AGPAT5: variants seen among roughly 807,000 people sequenced by gnomAD.
AGPAT5 encodes 1-acylglycerol-3-phosphate O-acyltransferase 5.
A neutral mutation model predicts 45.6 loss-of-function variants in AGPAT5; 46 were observed. The ratio of observed to expected loss-of-function variants is 1.01; its 90% CI spans 0.80 to 1.29. The LOEUF is 1.29. Among genes scored for constraint, AGPAT5 ranks in the 50% most tolerant of loss-of-function variants. AGPAT5 has a pLI of 0.00. For synonymous variants in AGPAT5, 272 were observed against 167.0 expected (o/e 1.63, Z -4.85); for missense variants, 673 against 450.7 (o/e 1.49, Z -4.47).
intron 5 of AGPAT5, among the ~76,000 whole-genome samples, chr8:6,742,332 T>C (rs1294113345): frequency 6.6e-6 from 1 of 152,266 alleles, no homozygotes; most frequent in Non-Finnish European, 1.5e-5. Context: ...AATGGTAATG[T>C]TCTTAATATC....
intron 6 of AGPAT5, among the ~76,000 whole-genome samples, chr8:6,749,183 A>T (rs1464925404): frequency 7.9e-5 from 12 of 152,210 alleles, no homozygotes; most frequent in Admixed American, 7.9e-4. Flanking sequence ...AAATAATGAT[A>T]AGATGAGGGT....
intron 1 of AGPAT5, among the ~76,000 whole-genome samples, chr8:6,724,464 T>G (rs1800615223): frequency 6.6e-6 from 1 of 152,208 alleles, no homozygotes; most frequent in Non-Finnish European, 1.5e-5. Flanking sequence ...ATTTAAAACC[T>G]TAAAAAGGTA....
chr8:6,733,939 T>G (rs1800952518), intron 4 of AGPAT5, among the ~76,000 whole-genome samples: 2 of 152,186 alleles, frequency 1.3e-5, no homozygotes, highest in Admixed American at 1.3e-4. Flanking sequence ...TAGCTGCCAG[T>G]GGCGCTAGGG....
chr8:6,756,265 G>A (rs189472681), intron 7 of AGPAT5, among the ~76,000 whole-genome samples: 4 of 152,228 alleles, frequency 2.6e-5, no homozygotes, highest in Non-Finnish European at 2.9e-5. Context: ...CAGCCCAGGT[G>A]CAGTGAGCAG....
chr8:6,736,382 G>A (rs1801054553), intron 4 of AGPAT5, among the ~76,000 whole-genome samples: 1 of 152,254 alleles, frequency 6.6e-6, no homozygotes, highest in East Asian at 1.9e-4. Context: ...ATTATATGAA[G>A]TGCTGTGTGG....
chr8:6,713,007 T>G (rs1800202655), intron 1 of AGPAT5, among the ~76,000 whole-genome samples: 1 of 152,230 alleles, frequency 6.6e-6, no homozygotes, highest in South Asian at 2.1e-4. Flanking sequence ...GTTTGGGTTT[T>G]TTTGAGTCAG....
chr8:6,724,112 G>A (rs1026011820), intron 1 of AGPAT5, among the ~76,000 whole-genome samples: 4 of 152,056 alleles, frequency 2.6e-5, no homozygotes, highest in Non-Finnish European at 4.4e-5. Flanking sequence ...CAGGTACATC[G>A]AACACCTGTG....
chr8:6,715,069 C>T (rs1053739642), intron 1 of AGPAT5, among the ~76,000 whole-genome samples: 6 of 152,112 alleles, frequency 3.9e-5, no homozygotes, highest in East Asian at 1.9e-4. Context: ...GCAATATTCC[C>T]GTGTGTACAT....
chr8:6,720,845 C>G (rs1223112700), intron 1 of AGPAT5, among the ~76,000 whole-genome samples: 1 of 152,158 alleles, frequency 6.6e-6, no homozygotes, highest in Admixed American at 6.6e-5. Context: ...ACTATGGAAA[C>G]AGCCATGTGT....
At chr8:6,741,987 C>A (rs973389367) in intron 5 of AGPAT5, among the ~76,000 whole-genome samples, 1 of 152,088 alleles carries the variant, frequency 6.6e-6, no homozygotes, top group South Asian at 2.1e-4. Context: ...GATACATATT[C>A]TTGTGCCATG....
At chr8:6,746,611 A>G (rs1475101613) in intron 5 of AGPAT5, among the ~76,000 whole-genome samples, 1 of 152,184 alleles carries the variant, frequency 6.6e-6, no homozygotes, top group Non-Finnish European at 1.5e-5. Context: ...AAGTTTGTGA[A>G]TCAATTTAAC....
At chr8:6,732,865 C>A (rs998537352) in intron 4 of AGPAT5, among the ~76,000 whole-genome samples, 1 of 152,186 alleles carries the variant, frequency 6.6e-6, no homozygotes, top group Non-Finnish European at 1.5e-5. Context: ...CTTTGCTGGT[C>A]AGTGGACCTT....
chr8:6,747,387 C>T (rs561744367), intron 5 of AGPAT5, among the ~76,000 whole-genome samples: 35 of 152,150 alleles, frequency 2.3e-4, no homozygotes, highest in Non-Finnish European at 4.0e-4. Flanking sequence ...TTACCCTTGC[C>T]GGGGTCTACT....
At chr8:6,747,287 C>T (rs1246075511) in intron 5 of AGPAT5, among the ~76,000 whole-genome samples, 2 of 152,206 alleles carry the variant, frequency 1.3e-5, no homozygotes, top group Non-Finnish European at 2.9e-5. Context: ...AGGCCATGTG[C>T]TGTGTGACTG....
At chr8:6,729,902 T>TAGA (rs1800806354) in intron 2 of AGPAT5, among the ~76,000 whole-genome samples, 1 of 152,224 alleles carries the variant, frequency 6.6e-6, no homozygotes, top group African/African-American at 2.4e-5. Context: ...CACATATATC[T>TAGA]ACCCAGCATC....
At chr8:6,710,236 T>A (rs1344789236) in intron 1 of AGPAT5, among the ~76,000 whole-genome samples, 1 of 152,222 alleles carries the variant, frequency 6.6e-6, no homozygotes, top group Non-Finnish European at 1.5e-5. Flanking sequence ...AAGTTCTTAT[T>A]TTTTTAAATG....
chr8:6,735,135 A>T (rs1212614985), intron 4 of AGPAT5, among the ~76,000 whole-genome samples: 13 of 152,052 alleles, frequency 8.5e-5, no homozygotes, highest in Admixed American at 8.5e-4. Context: ...CCCAGTATGT[A>T]TTCCTGCCTT....
At chr8:6,709,410 C>T (rs558972869) in intron 1 of AGPAT5, 1 of 157,286 alleles carries the variant, frequency 6.4e-6, no homozygotes, top group East Asian at 1.9e-4. Flanking sequence ...TTCTTGCCAA[C>T]TTTAACTGGG....
At chr8:6,730,228 C>CAA (rs374337325) in intron 2 of AGPAT5, among the ~76,000 whole-genome samples, 2 of 109,682 alleles carry the variant, frequency 1.8e-5, no homozygotes, top group Non-Finnish European at 4.1e-5. Flanking sequence ...TCAAGAAATG[C>CAA]AAAAAAAAAA....
Sources: gnomAD v4.1 joint callset for allele counts (sites outside exome capture counted in the v4.1 genomes callset) on GRCh38, gnomAD v4.1.1 for gene constraint, MANE v1.5 for transcripts, NCBI Gene and HGNC (gene_info 2026-07-23, HGNC 2026-07-21) for gene names.